The following AGBL4 variants were observed in gnomAD, a reference collection of about 807,000 sequenced individuals.
AGBL4 encodes the protein AGBL carboxypeptidase 4, also known as cytosolic carboxypeptidase 6.
In AGBL4, 58 loss-of-function variants were observed where a neutral mutation model predicts 66.4. The ratio of observed to expected loss-of-function variants is 0.87; its 90% confidence interval spans 0.71 to 1.09. AGBL4 has a LOEUF of 1.09. Ranked by LOEUF, AGBL4 falls within the 50% of genes least tolerant of loss-of-function variation. The pLI is 0.00. For missense variants in AGBL4, 579 were observed against 631.0 expected, an observed-to-expected ratio of 0.92 and a Z score of 0.88; for synonymous variants, 234 against 222.9, an observed-to-expected ratio of 1.05 and a Z score of -0.44.
intron 6 of AGBL4, among the ~76,000 whole-genome samples, chr1:48,822,633 C>A (rs1646341207): frequency 6.6e-6 from 1 of 152,174 alleles, no homozygotes; most frequent in Non-Finnish European, 1.5e-5. Flanking sequence ...ATTATATTAA[C>A]TTTACAGTAG....
intron 7 of AGBL4, among the ~76,000 whole-genome samples, chr1:48,662,398 T>C (rs1269437402): frequency 6.6e-6 from 1 of 152,208 alleles, no homozygotes. Context: ...CCTCAGAGGC[T>C]TCCACTGCAG....
chr1:49,884,892 T>C (rs547725217), intron 1 of AGBL4, among the ~76,000 whole-genome samples: 1 of 151,998 alleles, frequency 6.6e-6, no homozygotes, highest in African/African-American at 2.4e-5. Context: ...GGTGAAATAA[T>C]ATAATTATAA....
intron 3 of AGBL4, among the ~76,000 whole-genome samples, chr1:49,586,254 C>T (rs1290809095): frequency 6.6e-6 from 1 of 152,124 alleles, no homozygotes; most frequent in Non-Finnish European, 1.5e-5. Flanking sequence ...GAACCTAAGA[C>T]ACCTCTCAGG....
chr1:48,606,817 G>A (rs1645160804), intron 9 of AGBL4, among the ~76,000 whole-genome samples: 1 of 152,130 alleles, frequency 6.6e-6, no homozygotes, highest in African/African-American at 2.4e-5. Flanking sequence ...TGCAGCCAGA[G>A]TGATCTATGA....
At chr1:49,101,803 C>G (rs905335947) in intron 4 of AGBL4, among the ~76,000 whole-genome samples, 3 of 152,108 alleles carry the variant, frequency 2.0e-5, no homozygotes, top group Non-Finnish European at 2.9e-5. Context: ...CAGACTGCCT[C>G]TAGGCTGCCC....
At chr1:49,900,433 CAG>C (rs1463946975) in intron 1 of AGBL4, among the ~76,000 whole-genome samples, 3 of 151,868 alleles carry the variant, frequency 2.0e-5, no homozygotes, top group African/African-American at 4.8e-5. Flanking sequence ...TTAGTAGAGA[CAG>C]GGTTTCTCCA....
intron 5 of AGBL4, among the ~76,000 whole-genome samples, chr1:49,012,168 G>A (rs1184361155): frequency 1.3e-5 from 2 of 152,096 alleles, no homozygotes; most frequent in Non-Finnish European, 2.9e-5. Flanking sequence ...CTGTGTGGAG[G>A]CCGTTCAGAG....
intron 3 of AGBL4, among the ~76,000 whole-genome samples, chr1:49,641,639 A>G (rs1367780687): frequency 2.0e-5 from 3 of 152,074 alleles, no homozygotes; most frequent in Admixed American, 2.0e-4. Context: ...CATTTTCTGA[A>G]AAACTTTTAA....
intron 6 of AGBL4, among the ~76,000 whole-genome samples, chr1:48,759,763 G>A (rs1644155849): frequency 6.6e-6 from 1 of 152,128 alleles, no homozygotes; most frequent in Non-Finnish European, 1.5e-5. Flanking sequence ...TCCCCTAAAG[G>A]CAATTCACCA....
At chr1:48,675,382 T>C (rs1342564669) in intron 6 of AGBL4, among the ~76,000 whole-genome samples, 3 of 152,324 alleles carry the variant, frequency 2.0e-5, no homozygotes, top group African/African-American at 7.2e-5. Context: ...TTGCTAATGT[T>C]TTTTTAAGAA....
chr1:48,570,663 C>T (rs1319292625), intron 11 of AGBL4, among the ~76,000 whole-genome samples: 1 of 152,146 alleles, frequency 6.6e-6, no homozygotes, highest in Non-Finnish European at 1.5e-5. Context: ...GTAAATCTGT[C>T]TCTTCTCTCG....
intron 9 of AGBL4, among the ~76,000 whole-genome samples, chr1:48,613,265 G>A (rs967231668): frequency 6.6e-6 from 1 of 152,192 alleles, no homozygotes; most frequent in Non-Finnish European, 1.5e-5. Flanking sequence ...CAGCTAGTCT[G>A]TGGTGCAACT....
At chr1:48,848,075 G>A (rs12239093) in intron 6 of AGBL4, among the ~76,000 whole-genome samples, 4,835 of 152,080 alleles carry the variant, frequency 0.032, 266 homozygotes, top group African/African-American at 0.11. Context: ...TGTTCCTTCA[G>A]CATTTATGTG....
chr1:49,072,535 A>C, intron 4 of AGBL4, among the ~76,000 whole-genome samples: 1 of 152,216 alleles, frequency 6.6e-6, no homozygotes, highest in East Asian at 1.9e-4. Flanking sequence ...TTCTGGGTTG[A>C]AAATTCTTTC....
intron 5 of AGBL4, among the ~76,000 whole-genome samples, chr1:48,932,663 T>C (rs1225945023): frequency 2.0e-5 from 3 of 152,174 alleles, no homozygotes; most frequent in Non-Finnish European, 1.5e-5. Context: ...TTTTGAAAAG[T>C]CTGGGCCAAT....
At chr1:48,769,094 C>T (rs889852166) in intron 6 of AGBL4, among the ~76,000 whole-genome samples, 7 of 152,184 alleles carry the variant, frequency 4.6e-5, no homozygotes, top group Admixed American at 3.9e-4. Context: ...ATGAAGACTA[C>T]AGTAGAAAAC....
intron 3 of AGBL4, among the ~76,000 whole-genome samples, chr1:49,442,866 C>T (rs1026873120): frequency 6.6e-6 from 1 of 152,102 alleles, no homozygotes; most frequent in Admixed American, 6.6e-5. Flanking sequence ...ATACTGGTTT[C>T]CATGGTGGCT....
At chr1:49,495,668 G>A (rs535974151) in intron 3 of AGBL4, among the ~76,000 whole-genome samples, 1 of 151,726 alleles carries the variant, frequency 6.6e-6, no homozygotes, top group South Asian at 2.1e-4. Context: ...CAATAATAGG[G>A]GTCTTAATGG....
At chr1:48,582,926 T>C (rs12060458) in intron 11 of AGBL4, among the ~76,000 whole-genome samples, 45 of 152,328 alleles carry the variant, frequency 3.0e-4, no homozygotes, top group African/African-American at 9.6e-4. Context: ...TGCTCTGGTC[T>C]GTGGAGCGGC....
Sources: gnomAD v4.1 joint callset for allele counts (sites outside exome capture counted in the v4.1 genomes callset) on GRCh38, gnomAD v4.1.1 for gene constraint, MANE v1.5 for transcripts, NCBI Gene and HGNC (gene_info 2026-07-23, HGNC 2026-07-21) for gene names.